LRRC1: variants seen among roughly 807,000 people sequenced by gnomAD.
LRRC1 encodes leucine-rich repeat-containing protein 1.
LRRC1 carries 28 observed loss-of-function variants against 69.9 expected under a neutral mutation model. That is an observed-to-expected ratio of 0.40 (90% confidence interval 0.30 to 0.55). The LOEUF (loss-of-function observed/expected upper bound fraction) is 0.55, where lower values mean the gene tolerates loss of function less well. LRRC1 is among the 20% of genes least tolerant of loss of function. The pLI, the probability that LRRC1 is intolerant of heterozygous loss-of-function variation, is 0.47. For missense variants in LRRC1, 498 were observed against 609.0 expected, an observed-to-expected ratio of 0.82 and a Z score of 1.92; for synonymous variants, 236 against 240.2, an observed-to-expected ratio of 0.98 and a Z score of 0.16.
intron 1 of LRRC1, among the ~76,000 whole-genome samples, chr6:53,804,010 G>T (rs1158292699): frequency 6.6e-6 from 1 of 152,222 alleles, no homozygotes; most frequent in Non-Finnish European, 1.5e-5. Flanking sequence ...AACCTCTCAG[G>T]ATGTGATGTG....
chr6:53,861,774 TCTGAATGACTCATTCAGCCTGTGG>T (rs1766533995), intron 2 of LRRC1, among the ~76,000 whole-genome samples: 3 of 151,866 alleles, frequency 2.0e-5, no homozygotes, highest in African/African-American at 7.3e-5. Context: ...GTTTTTTGGG[TCTGAATGACTCATTCAGCCTGTGG>T]CTGAGTCTCT....
chr6:53,846,784 T>C (rs765118172), intron 2 of LRRC1, among the ~76,000 whole-genome samples: 11 of 152,196 alleles, frequency 7.2e-5, no homozygotes, highest in Non-Finnish European at 1.3e-4. Context: ...TGCGTATGCT[T>C]CAATGCTTGG....
rs112751557 is a variant in LRRC1 at position 53,861,448 on chromosome 6, G to A, written c.278-17545G>A. Among the ~76,000 whole-genome samples, 1,483 of 150,532 alleles carry A rather than the reference G, an allele frequency of 9.9e-3. 21 individuals carry two copies. The highest frequency in any genetic ancestry group is 0.034 in the African/African-American group (1,391 of 40,832). On this transcript the variant is annotated intron_variant, in intron 2 of 13. Transcript: ENST00000370888. ...TTATCTGAATCTCCAAGAGTGCTGG[G>A]TTAAAGTGTAAATTCCTTCTCGTCA...
At position 53,923,287 on chromosome 6, in the gene LRRC1, A is replaced by G. The variant is rs1187062787; in HGVS notation, c.*494A>G. The stretch of plus-strand genomic sequence containing the variant: ...TAGGTATTTCATAACAAAAATATGT[A>G]TTTCTTTTTTGTTATTTTATCTTGA... On this transcript the variant is annotated 3_prime_UTR_variant, in exon 14 of 14. Transcript: ENST00000370888. 1 of 152,674 alleles carries G rather than the reference A, an allele frequency of 6.5e-6. No individual in the cohort carries two copies. The highest frequency in any genetic ancestry group is 1.5e-5 in the Non-Finnish European group (1 of 68,138). 9.5% of individuals were successfully genotyped at this position (152,674 alleles called of 1,614,324 possible). A position where few individuals can be genotyped will look rare whatever the true frequency, so the allele number is the denominator to read the frequency against.
intron 1 of LRRC1, among the ~76,000 whole-genome samples, chr6:53,826,786 C>T (rs1342272488): frequency 6.6e-6 from 1 of 152,094 alleles, no homozygotes; most frequent in African/African-American, 2.4e-5. Flanking sequence ...TGTATATATA[C>T]TGTGGCCCTT....
At position 53,919,477 on chromosome 6, in the gene LRRC1, T is replaced by TTTA. The variant is rs371290750; in HGVS notation, c.1107-21_1107-20insTTA. The TTTA allele has an allele frequency of 3.4e-4, 425 of 1,256,736 alleles. 1 individual carries two copies. Among genetic ancestry groups the TTTA allele is most frequent in the South Asian group, 6.3e-4 (35 of 55,824 alleles). The allele number at this position is 1,256,736 out of a possible 1,614,324, so 77.8% of individuals were successfully genotyped here. A position where few individuals can be genotyped will look rare whatever the true frequency, so the allele number is the denominator to read the frequency against. On this transcript the variant is annotated intron_variant, in intron 11 of 13. Coordinates refer to ENST00000370888, the MANE Select transcript of LRRC1 (RefSeq NM_018214.5). Reference sequence around the variant, plus strand: ...TTTGAGGTTGTGATGTCTCTTTTTTTAAAAAAAAAAAAAAAAACAGGTTGC... The same window carrying TTTA: ...TTTGAGGTTGTGATGTCTCTTTTTTTTTAAAAAAAAAAAAAAAAAACAGGTTGC...
chr6:53,795,467 C>T (rs747517298), intron 1 of LRRC1, 52 bp downstream of exon 1: 2 of 1,543,234 alleles, frequency 1.3e-6, no homozygotes, highest in South Asian at 2.4e-5. Flanking sequence ...GCTGTCCCTT[C>T]CGCTCCCATC....
chr6:53,802,867 T>C (rs1764526018), intron 1 of LRRC1, among the ~76,000 whole-genome samples: 1 of 152,216 alleles, frequency 6.6e-6, no homozygotes, highest in African/African-American at 2.4e-5. Flanking sequence ...ATTGCTTGTA[T>C]ATCTTTTTAA....
intron 2 of LRRC1, among the ~76,000 whole-genome samples, chr6:53,873,088 GTA>G (rs1227005620): frequency 6.6e-6 from 1 of 151,828 alleles, no homozygotes; most frequent in African/African-American, 2.4e-5. Flanking sequence ...CATAAGCACA[GTA>G]TATCTTTCCA....
At chr6:53,913,476 ATTG>A (rs1768474549) in intron 10 of LRRC1, among the ~76,000 whole-genome samples, 1 of 152,188 alleles carries the variant, frequency 6.6e-6, no homozygotes, top group African/African-American at 2.4e-5. Context: ...TGAAAATAGG[ATTG>A]TTAAACTCAC....
At chr6:53,841,116 C>G (rs371508510) in intron 1 of LRRC1, among the ~76,000 whole-genome samples, 1 of 152,132 alleles carries the variant, frequency 6.6e-6, no homozygotes, top group Admixed American at 6.5e-5. Flanking sequence ...TCTTACTGAC[C>G]AGGCTTTGTC....
intron 1 of LRRC1, among the ~76,000 whole-genome samples, chr6:53,812,466 G>A (rs1764819742): frequency 1.3e-5 from 2 of 151,924 alleles, no homozygotes; most frequent in South Asian, 2.1e-4. Context: ...CGAGGCGGGC[G>A]GATCACGAGG....
intron 2 of LRRC1, among the ~76,000 whole-genome samples, chr6:53,844,832 T>G (rs1313765806): frequency 1.3e-5 from 2 of 152,052 alleles, no homozygotes; most frequent in Non-Finnish European, 2.9e-5. Flanking sequence ...CTCAGTAGCA[T>G]TATGTGTGTG....
At chr6:53,806,374 G>A (rs546225417) in intron 1 of LRRC1, among the ~76,000 whole-genome samples, 1 of 152,234 alleles carries the variant, frequency 6.6e-6, no homozygotes, top group South Asian at 2.1e-4. Flanking sequence ...GACCTGTGAG[G>A]GAGAGCTTGA....
At chr6:53,890,598 A>T (rs538927420) in intron 4 of LRRC1, among the ~76,000 whole-genome samples, 1 of 152,278 alleles carries the variant, frequency 6.6e-6, no homozygotes, top group Admixed American at 6.5e-5. Flanking sequence ...ACCATATTTA[A>T]TGTTCTTTTT....
At chr6:53,850,723 T>C (rs1312670430) in intron 2 of LRRC1, among the ~76,000 whole-genome samples, 1 of 152,236 alleles carries the variant, frequency 6.6e-6, no homozygotes, top group Non-Finnish European at 1.5e-5. Context: ...GTGAGGAATT[T>C]TATTGCTGTT....
intron 4 of LRRC1, among the ~76,000 whole-genome samples, chr6:53,884,416 A>C (rs536669590): frequency 6.6e-6 from 1 of 152,298 alleles, no homozygotes; most frequent in Non-Finnish European, 1.5e-5. Flanking sequence ...TTGAGGAGGA[A>C]GGATCACTTG....
At chr6:53,799,218 A>G (rs1318226173) in intron 1 of LRRC1, among the ~76,000 whole-genome samples, 1 of 152,190 alleles carries the variant, frequency 6.6e-6, no homozygotes, top group East Asian at 1.9e-4. Context: ...TGCCCCCTAC[A>G]TCATTCTTTC....
chr6:53,826,450 C>T (rs570968716), intron 1 of LRRC1, among the ~76,000 whole-genome samples: 13 of 152,246 alleles, frequency 8.5e-5, no homozygotes, highest in African/African-American at 2.4e-4. Context: ...CCATAGATAA[C>T]CTATTAAAAG....
Sources: allele counts gnomAD v4.1 joint callset (sites outside exome capture counted in the v4.1 genomes callset), GRCh38; gene constraint gnomAD v4.1.1; transcripts MANE v1.5; gene names NCBI Gene and HGNC (gene_info 2026-07-23, HGNC 2026-07-21).